Variants in PRDM10 observed in about 807,000 individuals in gnomAD.
PRDM10 encodes the protein PR/SET domain 10, also known as PR domain zinc finger protein 10.
A neutral mutation model predicts 133.1 loss-of-function variants in PRDM10; 65 were observed. The ratio of observed to expected loss-of-function variants is 0.49; its 90% CI spans 0.40 to 0.60. PRDM10 has a LOEUF of 0.60. PRDM10 is among the 20% of genes least tolerant of loss of function. The probability of loss-of-function intolerance (pLI) is 0.00; values close to 1 mark genes in which losing one functional copy is unlikely to be tolerated. For synonymous variants in PRDM10, 582 were observed against 580.4 expected (o/e 1.00, Z -0.04); for missense variants, 1,137 against 1,507.1 (o/e 0.75, Z 4.07).
chr11:129,931,330 T>G, intron 10 of PRDM10, 72 bp from the exon 11 acceptor site: 1 of 1,510,870 alleles, frequency 6.6e-7, no homozygotes, highest in Non-Finnish European at 8.9e-7. Flanking sequence ...GAATTGCTGC[T>G]TATTTCAGAA....
Position 129,951,950 on chromosome 11 carries a change from A to T in PRDM10, c.294+3562T>A, listed in dbSNP as rs181964561. 1.9e-3 allele frequency among the ~76,000 whole-genome samples: 287 copies of T among 151,974 alleles called. 2 individuals carry two copies. Among genetic ancestry groups the T allele is most frequent in the African/African-American group, 6.2e-3 (257 of 41,398 alleles). Reference sequence around the variant, plus strand: ...AAAACAAAAACCAAAAAAAAAAACCATCCTCTGTGTTCAACCCTCAATCTA... The same window carrying T: ...AAAACAAAAACCAAAAAAAAAAACCTTCCTCTGTGTTCAACCCTCAATCTA... On this transcript the variant is annotated intron_variant, in intron 4 of 20. Coordinates refer to ENST00000360871, the MANE Select transcript of PRDM10 (RefSeq NM_199437.2).
chr11:129,989,018 A>G (rs1565514324), intron 1 of PRDM10, among the ~76,000 whole-genome samples: 1 of 152,240 alleles, frequency 6.6e-6, no homozygotes, highest in Non-Finnish European at 1.5e-5. Context: ...GACAAGCCTC[A>G]AACAGTAGTA....
Position 129,910,509 on chromosome 11 carries a change from G to C in PRDM10, c.3130C>G (p.Leu1044Val), listed in dbSNP as rs1182238284. 1.9e-6 allele frequency: 3 copies of C among 1,614,038 alleles called. No individual in the cohort carries two copies. The highest frequency in any genetic ancestry group is 1.3e-5 in the African/African-American group (1 of 74,936). The change falls in exon 19 of 21, where the codon CTG becomes GTG. Residue 1044 changes from leucine (L) to valine (V), a missense_variant. Coordinates refer to ENST00000360871, the MANE Select transcript of PRDM10 (RefSeq NM_199437.2). ...QQNSSVQHTY[L>V]PSAWNSFRGY... ...CGGAAGGAATTCCAAGCACTGGGCAGGTACGTGTGCTGCACAGAGGAATTC... is the reference window on the plus strand; with the variant it reads ...CGGAAGGAATTCCAAGCACTGGGCACGTACGTGTGCTGCACAGAGGAATTC...
intron 15 of PRDM10, among the ~76,000 whole-genome samples, chr11:129,916,511 G>A (rs1375818405): frequency 2.0e-5 from 3 of 152,118 alleles, no homozygotes; most frequent in Non-Finnish European, 2.9e-5. Flanking sequence ...GGGGGCTGGC[G>A]CCTGTAATCC....
intron 11 of PRDM10, among the ~76,000 whole-genome samples, chr11:129,930,034 A>C (rs1047111222): frequency 1.3e-5 from 2 of 152,302 alleles, no homozygotes; most frequent in Non-Finnish European, 2.9e-5. Flanking sequence ...CAGTTCTTAG[A>C]GCCCTTCAAA....
intron 1 of PRDM10, among the ~76,000 whole-genome samples, chr11:129,996,355 G>A (rs897602767): frequency 1.1e-4 from 16 of 152,316 alleles, no homozygotes; most frequent in African/African-American, 3.6e-4. Context: ...GCAGACACCT[G>A]TTTTTGTGCA....
chr11:129,990,019 A>G (rs2135990674), intron 1 of PRDM10, among the ~76,000 whole-genome samples: 1 of 151,992 alleles, frequency 6.6e-6, no homozygotes, highest in East Asian at 2.0e-4. Context: ...CCTCAGCAAT[A>G]TGGCGAAACC....
rs577764114 is a variant in PRDM10 at position 129,970,598 on chromosome 11, G to T, written c.-118-9516C>A. Among the ~76,000 whole-genome samples the T allele has an allele frequency of 2.0e-5, 3 of 150,796 alleles. No homozygotes were observed. The East Asian group carries it at 5.9e-4, about 30-fold the overall frequency. On this transcript the variant is annotated intron_variant, in intron 1 of 20. Coordinates refer to ENST00000360871, the MANE Select transcript of PRDM10 (RefSeq NM_199437.2). ...TTTCGCTTGTTGCCCAGGATGGAGT[G>T]CAGTGGCACGATCTCAGCTCACTGC...
chr11:129,914,990 T>A lies in PRDM10; in HGVS notation c.2555A>T (p.Lys852Met). ...GGAGAGCTGGGCGAACTCTGGATGC[T>A]TCTTTCGAATGTGCTGGACCATCTT... ...KTKMVQHIRK[K>M]HPEFAQLSNT... The change falls in exon 17 of 21, where the codon AAG becomes ATG. Residue 852 changes from lysine to methionine, a missense_variant. Physicochemically the swap from Lys to Met is moderately conservative, Grantham distance 95. Transcript: ENST00000360871. The A allele has an allele frequency of 6.2e-7, 1 of 1,605,054 alleles. No homozygotes were observed. The highest frequency in any genetic ancestry group is 8.5e-7 in the Non-Finnish European group (1 of 1,172,154).
At chr11:129,990,522 CAAAAAAA>C (rs59217112) in intron 1 of PRDM10, among the ~76,000 whole-genome samples, 108 of 67,108 alleles carry the variant, frequency 1.6e-3, no homozygotes, top group South Asian at 0.014. Flanking sequence ...ACTTTGTCTC[CAAAAAAA>C]AAAAAAAAAA....
chr11:129,982,744 A>C (rs1257457156), intron 1 of PRDM10, among the ~76,000 whole-genome samples: 1 of 152,098 alleles, frequency 6.6e-6, no homozygotes, highest in African/African-American at 2.4e-5. Flanking sequence ...TGAGCTGAGG[A>C]GTTCAAGATC....
chr11:129,942,752 T>C (rs2135862644), intron 6 of PRDM10, 123 bp from the exon 7 acceptor site: 1 of 856,814 alleles, frequency 1.2e-6, no homozygotes, highest in East Asian at 2.6e-5. Context: ...CTCTTTCCTT[T>C]GTATCTGCAA....
At position 129,931,044 on chromosome 11, in the gene PRDM10, T is replaced by C. The variant is rs1950838544; in HGVS notation, c.1502A>G (p.Asp501Gly). ...VVPTQSTLTA[D>G]DMRRAKRIRN... is the part of the protein sequence containing the mutation. ...GATGCGCTTGGCTCTGCGCATGTCG[T>C]CGGCTGTCAGCGTGCTCTGGGTGGG... is the stretch of plus-strand genomic sequence containing the variant. The change falls in exon 11 of 21, where the codon GAC becomes GGC. Residue 501 changes from aspartate to glycine, a missense_variant. Physicochemically the swap from Asp to Gly is moderately conservative, Grantham distance 94 (BLOSUM62 -1). Transcript: ENST00000360871. The C allele has an allele frequency of 6.2e-7, 1 of 1,613,672 alleles. No homozygotes were observed. Among genetic ancestry groups the C allele is most frequent in the Admixed American group, 1.7e-5 (1 of 59,984 alleles).
intron 1 of PRDM10, among the ~76,000 whole-genome samples, chr11:129,965,748 A>T (rs7933700): frequency 0.2 from 30,672 of 151,512 alleles, 4,516 homozygotes; most frequent in East Asian, 0.54. Flanking sequence ...CAAAAAAAAA[A>T]ATATATATAT....
chr11:129,910,797 AT>A (rs1287226351), intron 18 of PRDM10, 141 bp from the exon 19 acceptor site: 4 of 884,084 alleles, frequency 4.5e-6, no homozygotes, highest in Admixed American at 3.5e-5. Flanking sequence ...TTCTTTTGAG[AT>A]GGAGTTTCAC....
Position 129,942,615 on chromosome 11 carries a change from T to C in PRDM10, c.777A>G (p.Lys259=). 6.2e-7 allele frequency: 1 copy of C among 1,613,028 alleles called. No individual in the cohort carries two copies. The highest frequency in any genetic ancestry group is 8.5e-7 in the Non-Finnish European group (1 of 1,179,654). ...CYIHLKVSLD[K]GDRKERDLHE... Reference sequence around the variant, plus strand: ...GTAAATCCCTTTCTTTCCTGTCCCCTTTATCAAGAGAAACCTGCACGAAAA... The same window carrying C: ...GTAAATCCCTTTCTTTCCTGTCCCCCTTATCAAGAGAAACCTGCACGAAAA... The change falls in exon 7 of 21, where the codon AAA becomes AAG. Residue 259 remains lysine, a synonymous_variant. Transcript: ENST00000360871.
intron 7 of PRDM10, among the ~76,000 whole-genome samples, chr11:129,940,955 T>TGC (rs1355750776): frequency 1.3e-5 from 2 of 152,250 alleles, no homozygotes; most frequent in Non-Finnish European, 2.9e-5. Flanking sequence ...AGAGAAAATC[T>TGC]GCCCTTCACA....
chr11:129,932,071 C>A (rs200127214), intron 10 of PRDM10, 31 bp downstream of exon 10: 9 of 1,606,190 alleles, frequency 5.6e-6, no homozygotes, highest in South Asian at 1.1e-5. Flanking sequence ...ACACAAGCAC[C>A]TAAGGAGGGC....
chr11:129,963,450 A>AGAAGAGAAGAGAAGG (rs1565498524), intron 1 of PRDM10, among the ~76,000 whole-genome samples: 1 of 150,202 alleles, frequency 6.7e-6, no homozygotes, highest in Non-Finnish European at 1.5e-5. Context: ...AGAAGAGAAG[A>AGAAGAGAAGAGAAGG]GAAGAAGTCA....
Sources: gnomAD v4.1 joint callset for allele counts (sites outside exome capture counted in the v4.1 genomes callset) on GRCh38, gnomAD v4.1.1 for gene constraint, MANE v1.5 for transcripts, NCBI Gene and HGNC (gene_info 2026-07-23, HGNC 2026-07-21) for gene names.